DNAH9: variants seen among roughly 807,000 people sequenced by gnomAD.
DNAH9 encodes dynein axonemal heavy chain 9, also known as DNAH9 variant protein.
In DNAH9, 345 loss-of-function variants were observed where a neutral mutation model predicts 471.6. The observed-to-expected ratio is 0.73, with a 90% CI of 0.67 to 0.80. DNAH9 has a LOEUF of 0.80. Among genes scored for constraint, DNAH9 ranks in the 30% least tolerant of loss-of-function variants. The pLI, the probability that DNAH9 is intolerant of heterozygous loss-of-function variation, is 0.00. For missense variants in DNAH9, 5,407 were observed against 5,609.2 expected, an observed-to-expected ratio of 0.96 and a Z score of 1.15; for synonymous variants, 2,093 against 2,123.6, an observed-to-expected ratio of 0.99 and a Z score of 0.40.
chr17:11,726,681 C>G (rs11656846), intron 27 of DNAH9, among the ~76,000 whole-genome samples: 13,300 of 152,204 alleles, frequency 0.087, 822 homozygotes, highest in Non-Finnish European at 0.11. Flanking sequence ...ATCTCCTCAA[C>G]CTGACCAAAA....
At chr17:11,867,915 A>G (rs1381644192) in intron 50 of DNAH9, among the ~76,000 whole-genome samples, 2 of 152,202 alleles carry the variant, frequency 1.3e-5, no homozygotes, top group Non-Finnish European at 2.9e-5. Context: ...ATTAATCTTC[A>G]TATTTTCATC....
At position 11,711,927 on chromosome 17, in the gene DNAH9, AAT is replaced by A. The variant is rs1221188177; in HGVS notation, c.5552+6751_5552+6752del. Reference sequence around the variant, plus strand: ...ATATTTGTATATATATTTATATATAAATATATATATTTGTATATATATTTATA... The same window carrying A: ...ATATTTGTATATATATTTATATATAAATATATATTTGTATATATATTTATA... On this transcript the variant is annotated intron_variant, in intron 26 of 68. Transcript: ENST00000262442. Among the ~76,000 whole-genome samples, 243 of 42,914 alleles carry A rather than the reference AAT, an allele frequency of 5.7e-3. 4 individuals are homozygous for A. The highest frequency in any genetic ancestry group is 0.034 in the African/African-American group (234 of 6,964). The allele number at this position is 42,914 out of a possible 152,430, so 28.2% of individuals were successfully genotyped here.
intron 59 of DNAH9, among the ~76,000 whole-genome samples, chr17:11,899,346 C>G (rs1973328629): frequency 6.6e-6 from 1 of 152,098 alleles, no homozygotes; most frequent in Non-Finnish European, 1.5e-5. Context: ...GTAGAACTTT[C>G]AGGTAATGGG....
At chr17:11,655,197 T>C (rs182275670) in intron 14 of DNAH9, among the ~76,000 whole-genome samples, 88 of 152,134 alleles carry the variant, frequency 5.8e-4, no homozygotes, top group Middle Eastern at 6.8e-3. Context: ...TGCCTTTGCC[T>C]CCTCATAGTT....
intron 65 of DNAH9, 66 bp downstream of exon 65, chr17:11,934,137 C>T (rs917461716): frequency 7.2e-6 from 11 of 1,521,248 alleles, no homozygotes; most frequent in African/African-American, 1.4e-5. Flanking sequence ...ATTCCTCCCA[C>T]GCCGACCTGC....
At chr17:11,764,623 T>C (rs1368430925) in intron 36 of DNAH9, among the ~76,000 whole-genome samples, 1 of 152,198 alleles carries the variant, frequency 6.6e-6, no homozygotes, top group East Asian at 1.9e-4. Context: ...ATGTCAGATT[T>C]GTTCTTCTGT....
Position 11,875,030 on chromosome 17 carries a change from G to A in DNAH9, c.10324G>A (p.Gly3442Ser). Residue 3442 changes from glycine to serine, a missense_variant, in exon 53 of 69, where the codon GGC becomes AGC. Coordinates refer to ENST00000262442, the MANE Select transcript of DNAH9 (RefSeq NM_001372.4). ...DADVAAWQNE[G>S]LPADRMSVEN... is the part of the protein sequence containing the mutation. ...TGACGTGGCTGCCTGGCAGAACGAG[G>A]GCCTCCCAGCCGACCGCATGTCCGT... The A allele has an allele frequency of 6.2e-7, 1 of 1,614,112 alleles. No homozygotes were observed. The highest frequency in any genetic ancestry group is 8.5e-7 in the Non-Finnish European group (1 of 1,180,012).
intron 50 of DNAH9, among the ~76,000 whole-genome samples, chr17:11,856,152 A>G (rs1379373362): frequency 6.6e-6 from 1 of 152,182 alleles, no homozygotes; most frequent in East Asian, 1.9e-4. Context: ...AACCTCTTGC[A>G]TGGACTCAAT....
At position 11,694,400 on chromosome 17, in the gene DNAH9, T is replaced by A. The variant is rs2074391478; in HGVS notation, c.4825T>A (p.Ser1609Thr). The part of the protein sequence containing the change: ...LAFPRFYFLS[S>T]SDLLDILSNG... ...CTTCCCGCGGTTTTACTTTCTCTCC[T>A]CCTCCGATCTGTTAGACATCCTTTC... The change falls in exon 22 of 69, where the codon TCC becomes ACC. Residue 1609 changes from serine to threonine, a missense_variant. This residue lies in a region of DNAH9 where 4,636 missense variants were observed against 4,900.3 expected (regional missense o/e 0.95). Transcript: ENST00000262442. 6.2e-7 allele frequency: 1 copy of A among 1,613,078 alleles called. No homozygotes were observed. The highest frequency in any genetic ancestry group is 1.7e-5 in the Admixed American group (1 of 59,882).
chr17:11,799,900 C>T (rs999255298), intron 43 of DNAH9, among the ~76,000 whole-genome samples: 2 of 152,086 alleles, frequency 1.3e-5, no homozygotes, highest in African/African-American at 4.8e-5. Context: ...TATCTTCTTA[C>T]TCTACCCGTG....
chr17:11,767,967 G>A (rs1968035326), intron 36 of DNAH9, among the ~76,000 whole-genome samples: 1 of 152,116 alleles, frequency 6.6e-6, no homozygotes, highest in Admixed American at 6.5e-5. Flanking sequence ...ATTTGCCTGT[G>A]GTTACCTAGC....
At chr17:11,844,800 G>C (rs1475155871) in intron 49 of DNAH9, among the ~76,000 whole-genome samples, 1 of 152,090 alleles carries the variant, frequency 6.6e-6, no homozygotes, top group East Asian at 1.9e-4. Flanking sequence ...ATGAAGGTTT[G>C]TTGTACAGAT....
At chr17:11,690,619 A>G (rs566404492) in intron 20 of DNAH9, among the ~76,000 whole-genome samples, 183 bp downstream of exon 20, 1 of 152,206 alleles carries the variant, frequency 6.6e-6, no homozygotes, top group Admixed American at 6.5e-5. Context: ...GAAAAGAGGG[A>G]CAGTGAAATG....
intron 45 of DNAH9, among the ~76,000 whole-genome samples, chr17:11,818,486 T>C (rs1228434433): frequency 2.0e-5 from 3 of 151,968 alleles, no homozygotes; most frequent in African/African-American, 7.3e-5. Context: ...AAATGACTTC[T>C]TTCATCACTA....
intron 4 of DNAH9, 43 bp from the exon 5 acceptor site, chr17:11,617,368 T>G: frequency 6.9e-7 from 1 of 1,448,516 alleles, no homozygotes; most frequent in Non-Finnish European, 9.6e-7. Context: ...AGGTGGGTAT[T>G]AGGCTCCAGA....
rs200390734 is a variant in DNAH9 at position 11,752,961 on chromosome 17, G to A, written c.6738+1G>A. 4.4e-6 allele frequency: 7 copies of A among 1,578,718 alleles called. No individual in the cohort carries two copies. Among genetic ancestry groups the A allele is most frequent in the South Asian group, 1.2e-5 (1 of 85,390 alleles). On this transcript the variant is annotated splice_donor_variant, in intron 33 of 68. Transcript: ENST00000262442. LOFTEE classifies it high-confidence loss of function. ...GAATACTGTCATGGATGATAACAAGGTATGAAATTGGGGGATATCCCTAGA... is the reference window on the plus strand; with the variant it reads ...GAATACTGTCATGGATGATAACAAGATATGAAATTGGGGGATATCCCTAGA...
intron 48 of DNAH9, among the ~76,000 whole-genome samples, chr17:11,825,280 C>A (rs1970450626): frequency 6.6e-6 from 1 of 152,124 alleles, no homozygotes; most frequent in Admixed American, 6.5e-5. Context: ...TGCAGTACTA[C>A]CAGATTTTTA....
In DNAH9 at chr17:11,962,003, G is replaced by A. The variant is rs1289714576; in HGVS notation, c.12980G>A (p.Arg4327Lys). Residue 4327 changes from arginine (R) to lysine (K), a missense_variant, in exon 68 of 69, where the codon AGA becomes AAA. By Grantham distance (26) the Arg-to-Lys change is conservative. Around this residue, in one of 3 missense-constraint regions of DNAH9, gnomAD observed 4,636 missense variants for 4,900.3 expected, o/e 0.95. Transcript: ENST00000262442. The surrounding 1 kb of genome is among the most constrained non-coding windows in gnomAD (Gnocchi z 4.1). ...GCCTGGTTTCCAGACCTCCTCAACA[G>A]AATCAAGGAGCTAGAGGCTTGGACG... is the stretch of plus-strand genomic sequence containing the variant. The part of the protein sequence containing the change: ...LAAWFPDLLN[R>K]IKELEAWTGD... 1 of 1,614,046 alleles carries A rather than the reference G, an allele frequency of 6.2e-7. No individual in the cohort carries two copies. Among genetic ancestry groups the A allele is most frequent in the Non-Finnish European group, 8.5e-7 (1 of 1,180,048 alleles).
chr17:11,693,778 A>G, intron 20 of DNAH9, 90 bp from the exon 21 acceptor site: 2 of 1,392,194 alleles, frequency 1.4e-6, no homozygotes, highest in South Asian at 2.4e-5. Context: ...CAACCCAGGA[A>G]CAAGTTTCTG....
Sources: gnomAD v4.1 joint callset for allele counts (sites outside exome capture counted in the v4.1 genomes callset) on GRCh38, gnomAD v4.1.1 for gene constraint, gnomAD v4.1.1 regional missense constraint, Gnocchi (gnomAD v3.1) non-coding constraint, MANE v1.5 for transcripts, NCBI Gene and HGNC (gene_info 2026-07-23, HGNC 2026-07-21) for gene names.